The following IL15 variants were observed in gnomAD, a reference collection of about 807,000 sequenced individuals.
The protein encoded by IL15 is interleukin-15.
IL15 carries 11 observed loss-of-function variants against 19.6 expected under a neutral mutation model. The ratio of observed to expected loss-of-function variants is 0.56; its 90% CI spans 0.35 to 0.93. The LOEUF is 0.93. IL15 is among the 40% of genes least tolerant of loss of function. The pLI is 0.01. For missense variants in IL15, 197 were observed against 186.5 expected, an observed-to-expected ratio of 1.06 and a Z score of -0.33; for synonymous variants, 58 against 59.6, an observed-to-expected ratio of 0.97 and a Z score of 0.12.
In IL15 at chr4:141,646,971, A is replaced by T. The variant is rs527252242; in HGVS notation, c.-221-9215A>T. Among the ~76,000 whole-genome samples, 19 of 152,268 alleles carry T rather than the reference A, an allele frequency of 1.2e-4. No individual in the cohort carries two copies. In the South Asian group the frequency reaches 3.7e-3, roughly 30 times the overall value. ...AGTATTTAAAGCAATATTTAAAACA[A>T]AAATGAATGAGGGAATGAATGGATT... is the stretch of plus-strand genomic sequence containing the variant. On this transcript the variant is annotated intron_variant, in intron 1 of 7. Transcript: ENST00000320650.
intron 1 of IL15, among the ~76,000 whole-genome samples, chr4:141,640,599 AG>A (rs1225609716): frequency 6.6e-6 from 1 of 152,168 alleles, no homozygotes; most frequent in African/African-American, 2.4e-5. Context: ...AAAGTTGTTT[AG>A]TGCTGGAGTC....
At chr4:141,700,454 A>G (rs1729246043) in intron 2 of IL15, among the ~76,000 whole-genome samples, 3 of 152,130 alleles carry the variant, frequency 2.0e-5, no homozygotes, top group Admixed American at 6.5e-5. Flanking sequence ...TAGGGCCCCA[A>G]TCCCTTCTGG....
intron 6 of IL15, among the ~76,000 whole-genome samples, chr4:141,728,686 A>G (rs1730349138): frequency 6.6e-6 from 1 of 152,136 alleles, no homozygotes; most frequent in South Asian, 2.1e-4. Context: ...CTTCTCTTAC[A>G]TAGATGACTT....
chr4:141,651,988 A>G (rs1727422918), intron 1 of IL15, among the ~76,000 whole-genome samples: 1 of 152,100 alleles, frequency 6.6e-6, no homozygotes, highest in South Asian at 2.1e-4. Context: ...AAGGGTCAAA[A>G]TCTTAAAGAT....
intron 2 of IL15, among the ~76,000 whole-genome samples, chr4:141,709,592 G>T (rs1346722589): frequency 1.3e-5 from 2 of 151,974 alleles, no homozygotes; most frequent in African/African-American, 4.8e-5. Context: ...TAGTTTACTG[G>T]CATATCAATG....
At chr4:141,678,135 A>G (rs189580867) in intron 2 of IL15, among the ~76,000 whole-genome samples, 1 of 152,214 alleles carries the variant, frequency 6.6e-6, no homozygotes, top group African/African-American at 2.4e-5. Flanking sequence ...ACAGTTTTAC[A>G]TGCACACTGG....
At chr4:141,725,034 T>TA (rs1250174989) in intron 5 of IL15, among the ~76,000 whole-genome samples, 1 of 152,080 alleles carries the variant, frequency 6.6e-6, no homozygotes, top group East Asian at 1.9e-4. Flanking sequence ...ACTTAGATAT[T>TA]AAAATGCTCT....
chr4:141,669,473 A>G (rs1733136267), intron 2 of IL15, among the ~76,000 whole-genome samples: 1 of 152,224 alleles, frequency 6.6e-6, no homozygotes, highest in African/African-American at 2.4e-5. Flanking sequence ...AGCAGTGGTG[A>G]TAAAAGAAAA....
At chr4:141,722,953 TA>T (rs1253512335) in intron 5 of IL15, among the ~76,000 whole-genome samples, 1 of 152,112 alleles carries the variant, frequency 6.6e-6, no homozygotes, top group East Asian at 1.9e-4. Context: ...AACAGAATAC[TA>T]GAGAGACAGT....
At chr4:141,712,610 A>G (rs1008812938) in intron 2 of IL15, among the ~76,000 whole-genome samples, 1 of 148,016 alleles carries the variant, frequency 6.8e-6, no homozygotes, top group African/African-American at 2.5e-5. Flanking sequence ...AAATAAATAT[A>G]TTGTTTAAAT....
chr4:141,710,024 A>G (rs1729660946), intron 2 of IL15, among the ~76,000 whole-genome samples: 1 of 152,146 alleles, frequency 6.6e-6, no homozygotes, highest in African/African-American at 2.4e-5. Context: ...ACTAAAAATC[A>G]TTATTTTGCC....
intron 2 of IL15, among the ~76,000 whole-genome samples, chr4:141,704,167 T>G (rs1412301330): frequency 6.6e-6 from 1 of 152,198 alleles, no homozygotes; most frequent in East Asian, 1.9e-4. Flanking sequence ...AATTCCCCCT[T>G]CAGTATGATG....
intron 1 of IL15, among the ~76,000 whole-genome samples, chr4:141,645,038 C>G (rs1224868138): frequency 6.6e-6 from 1 of 152,076 alleles, no homozygotes; most frequent in African/African-American, 2.4e-5. Context: ...GTGGCGTAGC[C>G]TGCTTTCTGA....
chr4:141,651,900 C>T (rs1202508549), intron 1 of IL15, among the ~76,000 whole-genome samples: 1 of 151,974 alleles, frequency 6.6e-6, no homozygotes. Flanking sequence ...CCAATAAAAC[C>T]CTCCAAAGAA....
chr4:141,650,572 C>G (rs1727371547), intron 1 of IL15, among the ~76,000 whole-genome samples: 1 of 152,042 alleles, frequency 6.6e-6, no homozygotes, highest in African/African-American at 2.4e-5. Context: ...AAACACATTG[C>G]TAAATTTCAA....
In IL15 at chr4:141,732,738, A is replaced by T. The variant is rs757733298; in HGVS notation, c.379A>T (p.Asn127Tyr). Residue 127 changes from asparagine (N) to tyrosine (Y), a missense_variant and splice_region_variant, in exon 8 of 8, where the codon AAT becomes TAT. By Grantham distance (143) the Asn-to-Tyr change is moderately radical (BLOSUM62 -2). Transcript: ENST00000320650. The part of the protein sequence containing the change: ...LANNSLSSNG[N>Y]VTESGCKECE... ...TTTAATCTCTCTCTATATTTTGCAG[A>T]ATGTAACAGAATCTGGATGCAAAGA... The T allele has an allele frequency of 6.2e-7, 1 of 1,606,772 alleles. No individual in the cohort carries two copies. The highest frequency in any genetic ancestry group is 8.5e-7 in the Non-Finnish European group (1 of 1,178,194).
intron 1 of IL15, among the ~76,000 whole-genome samples, chr4:141,638,798 A>G (rs1726947750): frequency 6.6e-6 from 1 of 152,172 alleles, no homozygotes; most frequent in South Asian, 2.1e-4. Flanking sequence ...AATGCTGGGT[A>G]CATGTGGATT....
intron 5 of IL15, 32 bp downstream of exon 5, chr4:141,722,040 T>C (rs1208087849): frequency 1.9e-6 from 3 of 1,549,166 alleles, no homozygotes; most frequent in Non-Finnish European, 2.6e-6. Flanking sequence ...AAATGCCTGG[T>C]ATAACTGCTA....
intron 1 of IL15, among the ~76,000 whole-genome samples, chr4:141,650,449 G>A (rs1727368188): frequency 6.6e-6 from 1 of 151,994 alleles, no homozygotes; most frequent in East Asian, 1.9e-4. Flanking sequence ...TATGGATGAA[G>A]CAGAGCCCTT....
Sources: allele counts gnomAD v4.1 joint callset (sites outside exome capture counted in the v4.1 genomes callset), GRCh38; gene constraint gnomAD v4.1.1; transcripts MANE v1.5; gene names NCBI Gene and HGNC (gene_info 2026-07-23, HGNC 2026-07-21).